The following NEK10 variants were observed in gnomAD, a reference collection of about 807,000 sequenced individuals.
NEK10 encodes the protein serine/threonine-protein kinase Nek10.
A neutral mutation model predicts 159.8 loss-of-function variants in NEK10; 122 were observed. The ratio of observed to expected loss-of-function variants is 0.76; its 90% CI spans 0.66 to 0.89. The LOEUF (loss-of-function observed/expected upper bound fraction) is 0.89, where lower values mean the gene tolerates loss of function less well. Among genes scored for constraint, NEK10 ranks in the 40% least tolerant of loss-of-function variants. The pLI is 0.00. For missense variants in NEK10, 1,342 were observed against 1,323.1 expected (o/e 1.01, Z -0.22); for synonymous variants, 466 against 457.1 (o/e 1.02, Z -0.25).
At chr3:27,240,663 T>C (rs1177210800) in intron 23 of NEK10, among the ~76,000 whole-genome samples, 1 of 151,514 alleles carries the variant, frequency 6.6e-6, no homozygotes, top group Non-Finnish European at 1.5e-5. Context: ...TCTTTTTTTT[T>C]TTTTTTGAGA....
chr3:27,119,988 T>C (rs1575378298), intron 32 of NEK10, 120 bp from the exon 33 acceptor site: 2 of 669,064 alleles, frequency 3.0e-6, no homozygotes, highest in South Asian at 3.8e-5. Context: ...TGTTCTGTGG[T>C]TTTCAATCCC....
chr3:27,335,804 C>A (rs1432344446), intron 5 of NEK10, among the ~76,000 whole-genome samples: 3 of 152,070 alleles, frequency 2.0e-5, no homozygotes, highest in African/African-American at 4.8e-5. Flanking sequence ...AGAAAAATTT[C>A]TTGAAACAAA....
intron 6 of NEK10, among the ~76,000 whole-genome samples, chr3:27,321,086 A>G (rs2045590197): frequency 6.6e-6 from 1 of 152,184 alleles, no homozygotes; most frequent in Non-Finnish European, 1.5e-5. Flanking sequence ...ATTCATCAAT[A>G]AAATCGAGTT....
At chr3:27,262,898 G>A (rs1029739386) in intron 22 of NEK10, among the ~76,000 whole-genome samples, 5 of 152,172 alleles carry the variant, frequency 3.3e-5, no homozygotes, top group Admixed American at 3.3e-4. Context: ...TTTGGAGGAG[G>A]AGAGGCACTC....
chr3:27,322,139 T>C, intron 6 of NEK10, 38 bp downstream of exon 6: 1 of 1,072,446 alleles, frequency 9.3e-7, no homozygotes. Flanking sequence ...TACAACTTTA[T>C]AACAAGTAAA....
chr3:27,259,097 C>G (rs989068933), intron 22 of NEK10, among the ~76,000 whole-genome samples: 7 of 150,600 alleles, frequency 4.6e-5, no homozygotes, highest in African/African-American at 9.8e-5. Context: ...TGAGGGAGTT[C>G]ACTGTAGATT....
At chr3:27,130,127 C>T (rs149171539) in intron 32 of NEK10, among the ~76,000 whole-genome samples, 1 of 151,958 alleles carries the variant, frequency 6.6e-6, no homozygotes, top group East Asian at 1.9e-4. Flanking sequence ...ATATATAGGG[C>T]CTTTCCCTAC....
rs117337077 is a variant in NEK10 at position 27,363,428 on chromosome 3, T to C, written c.-38+5797A>G. Among the ~76,000 whole-genome samples, 78 of 152,308 alleles carry C rather than the reference T, an allele frequency of 5.1e-4. No homozygotes were observed. The East Asian group carries it at 0.012, about 24-fold the overall frequency. ...TTGTAGTTTACAACAAAAGAGGGAT[T>C]TAATAAATAATTGCTGAATGAATCA... On this transcript the variant is annotated intron_variant, in intron 1 of 35. Transcript: ENST00000691995.
intron 11 of NEK10, among the ~76,000 whole-genome samples, chr3:27,307,410 C>T (rs370693964): frequency 7.9e-5 from 12 of 152,244 alleles, no homozygotes; most frequent in African/African-American, 2.9e-4. Flanking sequence ...ATCCATTTTA[C>T]TCTAGATTTT....
chr3:27,116,862 T>C (rs967543600), intron 33 of NEK10, among the ~76,000 whole-genome samples: 1 of 151,906 alleles, frequency 6.6e-6, no homozygotes, highest in Non-Finnish European at 1.5e-5. Flanking sequence ...GATGTGCAGG[T>C]TTGTAATATA....
intron 26 of NEK10, 108 bp downstream of exon 26, chr3:27,191,921 A>G (rs1949152577): frequency 1.2e-6 from 1 of 834,326 alleles, no homozygotes; most frequent in South Asian, 1.6e-5. Flanking sequence ...GCAATATTGC[A>G]TGTAACTATT....
intron 25 of NEK10, among the ~76,000 whole-genome samples, chr3:27,197,966 C>A (rs1949708342): frequency 6.6e-6 from 1 of 152,062 alleles, no homozygotes; most frequent in South Asian, 2.1e-4. Context: ...CCAGCTCTTG[C>A]CCATTCAGTA....
At chr3:27,132,407 G>C (rs1041825871) in intron 31 of NEK10, among the ~76,000 whole-genome samples, 7 of 152,118 alleles carry the variant, frequency 4.6e-5, no homozygotes, top group African/African-American at 1.7e-4. Context: ...TGACACTTTG[G>C]ACCAGGAAAT....
rs144098388 is a variant in NEK10, at chr3:27,193,522, C to T, written c.2292-1280G>A. 3.8e-4 allele frequency among the ~76,000 whole-genome samples: 58 copies of T among 151,740 alleles called. No homozygotes were observed. In the East Asian group the frequency reaches 0.01, roughly 26 times the overall value. On this transcript the variant is annotated intron_variant, in intron 25 of 35. Transcript: ENST00000691995. ...CCCTCCTCCAGCAACACATCCAATG[C>T]GGCTACCTGCACTTCCCCAAATAGC...
intron 23 of NEK10, among the ~76,000 whole-genome samples, chr3:27,221,664 A>G (rs1952111570): frequency 6.6e-6 from 1 of 152,210 alleles, no homozygotes; most frequent in South Asian, 2.1e-4. Context: ...TGCCCGGCAG[A>G]CCTCATTGGG....
At chr3:27,264,494 A>T (rs1369173580) in intron 22 of NEK10, among the ~76,000 whole-genome samples, 2 of 152,194 alleles carry the variant, frequency 1.3e-5, no homozygotes, top group African/African-American at 4.8e-5. Flanking sequence ...ACTTTTAAAA[A>T]TCCATCAGTG....
At chr3:27,181,526 G>C (rs1420222079) in intron 26 of NEK10, among the ~76,000 whole-genome samples, 1 of 152,060 alleles carries the variant, frequency 6.6e-6, no homozygotes, top group South Asian at 2.1e-4. Context: ...TCATGTATAA[G>C]TGGATTCATG....
At position 27,315,167 on chromosome 3, in the gene NEK10, T is replaced by A. The variant is rs116634793; in HGVS notation, c.448-829A>T. Among the ~76,000 whole-genome samples, 288 of 152,262 alleles carry A rather than the reference T, an allele frequency of 1.9e-3. 2 individuals carry two copies. The highest frequency in any genetic ancestry group is 0.01 in the Middle Eastern group (3 of 294). ...GCTTAATTACATCTGTATTGACATC[T>A]CTCTCCTTACTTAACATGCCCACAA... On this transcript the variant is annotated intron_variant, in intron 6 of 35. Coordinates refer to ENST00000691995, the MANE Select transcript of NEK10 (RefSeq NM_001394966.1).
intron 23 of NEK10, among the ~76,000 whole-genome samples, chr3:27,243,718 C>G (rs902791060): frequency 3.9e-5 from 6 of 152,156 alleles, no homozygotes; most frequent in Admixed American, 3.9e-4. Context: ...TTCTGCAGCT[C>G]TGTGCTGGGA....
Sources: gnomAD v4.1 joint callset for allele counts (sites outside exome capture counted in the v4.1 genomes callset) on GRCh38, gnomAD v4.1.1 for gene constraint, MANE v1.5 for transcripts, NCBI Gene and HGNC (gene_info 2026-07-23, HGNC 2026-07-21) for gene names.